The following MID1 variants were observed in gnomAD, a reference collection of about 807,000 sequenced individuals.
MID1 encodes midline 1.
In MID1, 7 loss-of-function variants were observed where a neutral mutation model predicts 40.4. The ratio of observed to expected loss-of-function variants is 0.17; its 90% CI spans 0.10 to 0.33. MID1 has a LOEUF of 0.33. Ranked by LOEUF, MID1 falls within the 10% of genes least tolerant of loss-of-function variation. MID1 has a pLI of 1.00. For synonymous variants in MID1, 229 were observed against 221.2 expected (o/e 1.04, Z -0.31); for missense variants, 367 against 558.5 (o/e 0.66, Z 3.46).
intron 1 of MID1, among the ~76,000 whole-genome samples, chrX:10,796,187 A>C: frequency 8.9e-6 from 1 of 112,241 alleles, no homozygotes; most frequent in Non-Finnish European, 1.9e-5. Flanking sequence ...TAATTGAAAA[A>C]GTGCATTTTA....
At chrX:10,505,734 A>C (rs1325473564) in intron 3 of MID1, 2 of 752,283 alleles carry the variant, frequency 2.7e-6, no homozygotes, top group Non-Finnish European at 1.6e-6. Flanking sequence ...AGTTATTTCT[A>C]ATGGAAAGAG....
intron 1 of MID1, among the ~76,000 whole-genome samples, chrX:10,609,811 G>A (rs1445545402): frequency 1.9e-5 from 2 of 105,519 alleles, no homozygotes; most frequent in African/African-American, 7.0e-5. Context: ...TCCGCCTCGC[G>A]GGTTCACGCC....
chrX:10,589,738 C>T (rs1423088180), intron 1 of MID1: 1 of 110,520 alleles, frequency 9.0e-6, no homozygotes, highest in Admixed American at 9.6e-5. Flanking sequence ...ATCCGCGTCG[C>T]TCCGGCTGGT....
chrX:10,765,277 T>C (rs966216288), intron 1 of MID1, among the ~76,000 whole-genome samples: 3 of 112,290 alleles, frequency 2.7e-5, no homozygotes, highest in Non-Finnish European at 3.8e-5. Context: ...GTTTTCATCA[T>C]TAAAAAGGTT....
At chrX:10,723,097 A>G (rs939524239) in intron 1 of MID1, among the ~76,000 whole-genome samples, 3 of 111,765 alleles carry the variant, frequency 2.7e-5, no homozygotes, top group Non-Finnish European at 5.6e-5. Context: ...TACTCTGCAA[A>G]AAAGTAGTTA....
At chrX:10,517,211 G>T (rs915417692) in intron 3 of MID1, among the ~76,000 whole-genome samples, 2 of 110,924 alleles carry the variant, frequency 1.8e-5, no homozygotes, top group South Asian at 7.7e-4. Context: ...GTTTTTTTTA[G>T]CTCCAGCTGG....
intron 2 of MID1, among the ~76,000 whole-genome samples, chrX:10,523,436 C>G (rs1193279073): frequency 2.7e-5 from 3 of 111,736 alleles, no homozygotes; most frequent in African/African-American, 9.7e-5. Flanking sequence ...GGATACTTAA[C>G]AGAATAATTA....
intron 8 of MID1, 113 bp downstream of exon 8, chrX:10,459,533 T>TG (rs1321142378): frequency 4.8e-6 from 4 of 838,557 alleles, no homozygotes; most frequent in South Asian, 4.2e-5. Context: ...TTACTTGTTT[T>TG]GGGGGGCTGT....
chrX:10,502,860 G>A (rs1429161057), intron 3 of MID1, among the ~76,000 whole-genome samples: 1 of 111,768 alleles, frequency 8.9e-6, no homozygotes, highest in African/African-American at 3.3e-5. Context: ...AGACTCAAAA[G>A]GACTTTTCTC....
chrX:10,812,087 C>A (rs2044106390), intron 1 of MID1, among the ~76,000 whole-genome samples: 1 of 111,446 alleles, frequency 9.0e-6, no homozygotes, highest in Non-Finnish European at 1.9e-5. Flanking sequence ...AATATCGGAA[C>A]AAAGCAATAC....
At chrX:10,555,946 C>T (rs1001166892) in intron 2 of MID1, among the ~76,000 whole-genome samples, 22 of 110,395 alleles carry the variant, frequency 2.0e-4, no homozygotes, top group Non-Finnish European at 1.5e-4. Context: ...CCTTCTTGTA[C>T]AGCTCCTTCA....
intron 1 of MID1, among the ~76,000 whole-genome samples, chrX:10,827,754 G>C (rs1309433846): frequency 9.0e-6 from 1 of 111,159 alleles, no homozygotes; most frequent in African/African-American, 3.3e-5. Flanking sequence ...CCTTCTAGTA[G>C]AAATGCAGAG....
chrX:10,537,849 G>A (rs1264695160), intron 2 of MID1, among the ~76,000 whole-genome samples: 2 of 112,236 alleles, frequency 1.8e-5, no homozygotes, highest in African/African-American at 6.5e-5. Context: ...CTAAGCTTTA[G>A]TCTCTCACTA....
chrX:10,712,818 T>C (rs2043277954), intron 1 of MID1, among the ~76,000 whole-genome samples: 1 of 111,474 alleles, frequency 9.0e-6, no homozygotes, highest in South Asian at 3.8e-4. Flanking sequence ...CTATGCTTTA[T>C]TTATTATTTC....
intron 2 of MID1, among the ~76,000 whole-genome samples, chrX:10,556,095 C>T (rs771715907): frequency 1.1e-5 from 1 of 94,320 alleles, no homozygotes; most frequent in Non-Finnish European, 2.2e-5. Context: ...GGCAACCCTA[C>T]AAAAAAAAAA....
intron 1 of MID1, among the ~76,000 whole-genome samples, chrX:10,580,917 T>C (rs1735945468): frequency 1.1e-5 from 1 of 94,363 alleles, no homozygotes; most frequent in African/African-American, 4.1e-5. Context: ...GCTGACACTG[T>C]CAATGTGGTG....
intron 7 of MID1, among the ~76,000 whole-genome samples, chrX:10,465,214 T>TACAC (rs775197915): frequency 0.037 from 1,454 of 39,815 alleles, 48 homozygotes; most frequent in African/African-American, 0.069. Flanking sequence ...TATATATATA[T>TACAC]ACACACACAC....
At chrX:10,803,005 T>A (rs946822403) in intron 1 of MID1, among the ~76,000 whole-genome samples, 1 of 110,621 alleles carries the variant, frequency 9.0e-6, no homozygotes, top group Admixed American at 9.7e-5. Flanking sequence ...ATGGGAACAA[T>A]AGACACCGGG....
At chrX:10,666,079 G>C (rs1464395972) in intron 1 of MID1, among the ~76,000 whole-genome samples, 1 of 109,035 alleles carries the variant, frequency 9.2e-6, no homozygotes, top group Non-Finnish European at 1.9e-5. Flanking sequence ...GACACGATGA[G>C]AGAGAAAGAA....
Sources: gnomAD v4.1 joint callset for allele counts (sites outside exome capture counted in the v4.1 genomes callset) on GRCh38, gnomAD v4.1.1 for gene constraint, MANE v1.5 for transcripts, NCBI Gene and HGNC (gene_info 2026-07-23, HGNC 2026-07-21) for gene names.